Variants in SGCZ observed in about 807,000 individuals in gnomAD.
SGCZ encodes zeta-sarcoglycan.
Under a neutral mutation model 41.3 loss-of-function variants are expected in SGCZ, and 40 were observed. The ratio of observed to expected loss-of-function variants is 0.97; its 90% CI spans 0.75 to 1.26. The LOEUF (loss-of-function observed/expected upper bound fraction) is 1.26, where lower values mean the gene tolerates loss of function less well. Among genes scored for constraint, SGCZ ranks in the 50% most tolerant of loss-of-function variants. SGCZ has a pLI of 0.00. For missense variants in SGCZ, 552 were observed against 369.8 expected (o/e 1.49, Z -4.04); for synonymous variants, 206 against 137.5 (o/e 1.50, Z -3.49).
chr8:14,466,739 A>C (rs1300339428), intron 2 of SGCZ, among the ~76,000 whole-genome samples: 2 of 151,878 alleles, frequency 1.3e-5, no homozygotes, highest in East Asian at 1.9e-4. Flanking sequence ...GTCTGCTTTT[A>C]AAATCCTCTA....
intron 6 of SGCZ, among the ~76,000 whole-genome samples, chr8:14,107,433 G>A (rs1802240353): frequency 6.6e-6 from 1 of 151,968 alleles, no homozygotes; most frequent in Non-Finnish European, 1.5e-5. Flanking sequence ...TTATTCCATT[G>A]GAAATATTAG....
chr8:15,095,166 T>A (rs1365728880), intron 1 of SGCZ, among the ~76,000 whole-genome samples: 1 of 152,200 alleles, frequency 6.6e-6, no homozygotes, highest in Non-Finnish European at 1.5e-5. Context: ...TGGCGTGATC[T>A]CAACTCACTG....
At chr8:14,557,980 G>A (rs1239883220) in intron 1 of SGCZ, among the ~76,000 whole-genome samples, 1 of 152,094 alleles carries the variant, frequency 6.6e-6, no homozygotes, top group Non-Finnish European at 1.5e-5. Flanking sequence ...AATGAAATGG[G>A]AGACAATACA....
At chr8:15,034,326 C>T (rs2130964229) in intron 1 of SGCZ, among the ~76,000 whole-genome samples, 1 of 151,834 alleles carries the variant, frequency 6.6e-6, no homozygotes, top group East Asian at 1.9e-4. Flanking sequence ...GGAATGAAAA[C>T]AGCAAGAGAA....
At chr8:14,193,015 A>T (rs990364783) in intron 4 of SGCZ, among the ~76,000 whole-genome samples, 4 of 151,728 alleles carry the variant, frequency 2.6e-5, no homozygotes, top group Non-Finnish European at 5.9e-5. Flanking sequence ...TATACAAATT[A>T]TGGTTATATT....
intron 1 of SGCZ, among the ~76,000 whole-genome samples, chr8:15,048,403 T>C (rs2054065): frequency 0.52 from 78,724 of 151,802 alleles, 20,867 homozygotes; most frequent in Admixed American, 0.62. Flanking sequence ...GAATAAGTTC[T>C]AGTGTTCAAT....
intron 1 of SGCZ, among the ~76,000 whole-genome samples, chr8:14,968,508 G>A (rs1040963920): frequency 6.6e-6 from 1 of 152,016 alleles, no homozygotes; most frequent in Non-Finnish European, 1.5e-5. Context: ...GAAGAAAATA[G>A]CATACTCCAT....
At chr8:14,192,863 T>A (rs892095961) in intron 4 of SGCZ, among the ~76,000 whole-genome samples, 2 of 152,074 alleles carry the variant, frequency 1.3e-5, no homozygotes, top group Non-Finnish European at 2.9e-5. Flanking sequence ...GAACATGAAA[T>A]AATCAGTGCA....
At chr8:14,229,926 T>C (rs1268413636) in intron 4 of SGCZ, among the ~76,000 whole-genome samples, 4 of 152,138 alleles carry the variant, frequency 2.6e-5, no homozygotes, top group African/African-American at 9.7e-5. Context: ...ACTTAAACTG[T>C]TTTGTGGATT....
intron 3 of SGCZ, chr8:14,309,519 C>T: frequency 6.2e-7 from 1 of 1,609,562 alleles, no homozygotes; most frequent in Non-Finnish European, 8.5e-7. Flanking sequence ...GCAGTGTGGA[C>T]TACTGAATGT....
intron 1 of SGCZ, among the ~76,000 whole-genome samples, chr8:14,574,326 A>G (rs1804645404): frequency 6.7e-6 from 1 of 149,588 alleles, no homozygotes; most frequent in African/African-American, 2.4e-5. Context: ...CAAAGAAACA[A>G]GAATTCCTTT....
At chr8:15,063,152 G>A (rs983978217) in intron 1 of SGCZ, among the ~76,000 whole-genome samples, 3 of 152,060 alleles carry the variant, frequency 2.0e-5, no homozygotes, top group Non-Finnish European at 4.4e-5. Context: ...TGCTATGTAT[G>A]ATTTCCCACT....
At chr8:14,643,972 CAATTCTGT>C (rs1807117038) in intron 1 of SGCZ, among the ~76,000 whole-genome samples, 1 of 99,836 alleles carries the variant, frequency 1.0e-5, no homozygotes, top group Admixed American at 1.1e-4. Context: ...AATACTTGTA[CAATTCTGT>C]ACAATTCTTA....
At chr8:14,798,912 A>G (rs1310263611) in intron 1 of SGCZ, among the ~76,000 whole-genome samples, 1 of 148,166 alleles carries the variant, frequency 6.7e-6, no homozygotes, top group Non-Finnish European at 1.5e-5. Flanking sequence ...AATTAATAAA[A>G]AATCTTTTTA....
chr8:14,786,855 A>G lies in SGCZ; in HGVS notation c.40-231929T>C, dbSNP rs571460263. Among the ~76,000 whole-genome samples, 1,192 of 151,788 alleles carry G rather than the reference A, an allele frequency of 7.9e-3. 21 individuals are homozygous for G. The highest frequency in any genetic ancestry group is 0.044 in the Middle Eastern group (13 of 294). Reference sequence around the variant, plus strand: ...AAGCAGGTTTAAAAAAAAAAAACAAAAAACACATAGATTAAGTAAGTCTTA... The same window carrying G: ...AAGCAGGTTTAAAAAAAAAAAACAAGAAACACATAGATTAAGTAAGTCTTA... On this transcript the variant is annotated intron_variant, in intron 1 of 7. Transcript: ENST00000382080.
At chr8:15,202,258 T>C (rs745511166) in intron 1 of SGCZ, among the ~76,000 whole-genome samples, 1 of 152,110 alleles carries the variant, frequency 6.6e-6, no homozygotes, top group Non-Finnish European at 1.5e-5. Flanking sequence ...TGCTCATGAA[T>C]CAATGAGTGA....
chr8:15,002,369 G>A (rs752832314), intron 1 of SGCZ, among the ~76,000 whole-genome samples: 2 of 152,174 alleles, frequency 1.3e-5, no homozygotes, highest in Admixed American at 6.5e-5. Context: ...CTTCTGAGAA[G>A]AGAAGACATA....
At chr8:15,092,095 A>G (rs1806174650) in intron 1 of SGCZ, among the ~76,000 whole-genome samples, 2 of 152,112 alleles carry the variant, frequency 1.3e-5, no homozygotes, top group Non-Finnish European at 2.9e-5. Context: ...ACTACACTAA[A>G]AACAGCTATA....
At chr8:14,668,054 T>A (rs1363836104) in intron 1 of SGCZ, among the ~76,000 whole-genome samples, 1 of 152,080 alleles carries the variant, frequency 6.6e-6, no homozygotes, top group African/African-American at 2.4e-5. Context: ...CCTCCCAGGT[T>A]CAAGGGATTC....
Sources: allele counts gnomAD v4.1 joint callset (sites outside exome capture counted in the v4.1 genomes callset), GRCh38; gene constraint gnomAD v4.1.1; transcripts MANE v1.5; gene names NCBI Gene and HGNC (gene_info 2026-07-23, HGNC 2026-07-21).